Variants in CHST11 observed in about 807,000 individuals in gnomAD.
The protein encoded by CHST11 is carbohydrate sulfotransferase 11.
CHST11 carries 9 observed loss-of-function variants against 30.4 expected under a neutral mutation model. The observed-to-expected ratio is 0.30, with a 90% CI of 0.18 to 0.52. The LOEUF is 0.52. CHST11 is among the 20% of genes least tolerant of loss of function. CHST11 has a pLI of 0.97. For missense variants in CHST11, 348 were observed against 460.6 expected (o/e 0.76, Z 2.24); for synonymous variants, 152 against 187.8 (o/e 0.81, Z 1.56).
At chr12:104,572,353 T>G (rs568163003) in intron 1 of CHST11, among the ~76,000 whole-genome samples, 2 of 151,942 alleles carry the variant, frequency 1.3e-5, no homozygotes, top group Non-Finnish European at 2.9e-5. Context: ...CTGGACTTTT[T>G]TTGGTTGGTA....
At chr12:104,563,507 T>C (rs566848198) in intron 1 of CHST11, among the ~76,000 whole-genome samples, 220 of 152,340 alleles carry the variant, frequency 1.4e-3, no homozygotes, top group African/African-American at 3.9e-3. Context: ...TTGTATTTCC[T>C]AGGTCACATC....
At chr12:104,699,544 T>C (rs1313005039) in intron 2 of CHST11, among the ~76,000 whole-genome samples, 2 of 152,230 alleles carry the variant, frequency 1.3e-5, no homozygotes, top group African/African-American at 2.4e-5. Context: ...CTGGTCTCAA[T>C]TGTAGGGTCA....
intron 1 of CHST11, among the ~76,000 whole-genome samples, chr12:104,470,179 T>C (rs2037494472): frequency 6.6e-6 from 1 of 152,216 alleles, no homozygotes; most frequent in African/African-American, 2.4e-5. Flanking sequence ...GCTCAAAATA[T>C]CAATAGTCGG....
chr12:104,661,330 C>T (rs1224239751), intron 2 of CHST11, among the ~76,000 whole-genome samples: 1 of 152,002 alleles, frequency 6.6e-6, no homozygotes, highest in Non-Finnish European at 1.5e-5. Context: ...AGTGTTTCCA[C>T]CTCCTTAAGC....
At chr12:104,568,986 G>A (rs2038597208) in intron 1 of CHST11, among the ~76,000 whole-genome samples, 1 of 152,076 alleles carries the variant, frequency 6.6e-6, no homozygotes, top group African/African-American at 2.4e-5. Context: ...AGTATGCCAG[G>A]TACTCTTCTA....
intron 1 of CHST11, among the ~76,000 whole-genome samples, chr12:104,555,893 C>T (rs887239467): frequency 2.6e-5 from 4 of 152,224 alleles, no homozygotes; most frequent in Non-Finnish European, 4.4e-5. Context: ...TGCTGCTCTC[C>T]GGGCAGGGAG....
At chr12:104,495,110 T>C (rs2135970316) in intron 1 of CHST11, among the ~76,000 whole-genome samples, 1 of 152,330 alleles carries the variant, frequency 6.6e-6, no homozygotes, top group East Asian at 1.9e-4. Flanking sequence ...TTGCTTAGCT[T>C]AATGTCCTCA....
At chr12:104,682,226 T>G (rs536997968) in intron 2 of CHST11, among the ~76,000 whole-genome samples, 86 of 152,304 alleles carry the variant, frequency 5.6e-4, no homozygotes, top group African/African-American at 2.0e-3. Context: ...AGTATATATG[T>G]TGTACAGCAC....
At chr12:104,634,872 T>C (rs1307772089) in intron 2 of CHST11, among the ~76,000 whole-genome samples, 2 of 152,164 alleles carry the variant, frequency 1.3e-5, no homozygotes, top group African/African-American at 4.8e-5. Context: ...ATGCATTTGC[T>C]CCATTTACTC....
intron 1 of CHST11, among the ~76,000 whole-genome samples, chr12:104,496,769 G>A (rs888172707): frequency 6.6e-5 from 10 of 151,786 alleles, no homozygotes; most frequent in Non-Finnish European, 1.0e-4. Flanking sequence ...AATATGAGAT[G>A]TTGTTTCCTG....
At chr12:104,639,594 C>T (rs1210662853) in intron 2 of CHST11, among the ~76,000 whole-genome samples, 1 of 152,166 alleles carries the variant, frequency 6.6e-6, no homozygotes, top group African/African-American at 2.4e-5. Context: ...GCAAGGTGGC[C>T]TGAGGCATGG....
intron 1 of CHST11, among the ~76,000 whole-genome samples, chr12:104,538,670 C>T (rs1217188137): frequency 1.3e-5 from 2 of 152,148 alleles, no homozygotes; most frequent in Non-Finnish European, 2.9e-5. Flanking sequence ...TGGAAAAAGC[C>T]AAGGCTTATT....
chr12:104,476,883 T>A (rs981332147), intron 1 of CHST11, among the ~76,000 whole-genome samples: 2 of 151,404 alleles, frequency 1.3e-5, no homozygotes, highest in African/African-American at 2.4e-5. Flanking sequence ...ACAAACTGTG[T>A]CCCCAGTCCC....
intron 1 of CHST11, among the ~76,000 whole-genome samples, chr12:104,569,330 T>C (rs1255015306): frequency 6.6e-6 from 1 of 152,228 alleles, no homozygotes; most frequent in East Asian, 1.9e-4. Context: ...CAGAATATTT[T>C]ATATTCTGAA....
intron 2 of CHST11, among the ~76,000 whole-genome samples, chr12:104,609,756 T>C (rs900492071): frequency 4.6e-5 from 7 of 152,092 alleles, no homozygotes; most frequent in Admixed American, 1.3e-4. Flanking sequence ...AAGGTCAGAG[T>C]TGGTGTTAAT....
intron 2 of CHST11, among the ~76,000 whole-genome samples, chr12:104,673,353 C>T (rs1240903488): frequency 6.6e-6 from 1 of 152,186 alleles, no homozygotes; most frequent in African/African-American, 2.4e-5. Flanking sequence ...CATGGATTAA[C>T]ACTGACTTGA....
intron 2 of CHST11, among the ~76,000 whole-genome samples, chr12:104,655,291 G>T (rs1444163634): frequency 6.6e-6 from 1 of 152,240 alleles, no homozygotes; most frequent in East Asian, 1.9e-4. Context: ...GCGCGGGCAG[G>T]TATTTTCCAC....
chr12:104,482,178 T>C (rs1448425927), intron 1 of CHST11, among the ~76,000 whole-genome samples: 1 of 152,058 alleles, frequency 6.6e-6, no homozygotes, highest in Non-Finnish European at 1.5e-5. Context: ...TGGCTCTTTT[T>C]TTTTTTCCTA....
At chr12:104,568,622 G>T (rs369361758) in intron 1 of CHST11, among the ~76,000 whole-genome samples, 2 of 152,114 alleles carry the variant, frequency 1.3e-5, no homozygotes, top group African/African-American at 4.8e-5. Flanking sequence ...CAATGACAGC[G>T]GCACCTGTCA....
Sources: gnomAD v4.1 joint callset for allele counts (sites outside exome capture counted in the v4.1 genomes callset) on GRCh38, gnomAD v4.1.1 for gene constraint, MANE v1.5 for transcripts, NCBI Gene and HGNC (gene_info 2026-07-23, HGNC 2026-07-21) for gene names.